NKAIN3: variants seen among roughly 807,000 people sequenced by gnomAD.
NKAIN3 encodes sodium/potassium transporting ATPase interacting 3, also known as sodium/potassium-transporting ATPase subunit beta-1-interacting protein 3.
In NKAIN3, 25 loss-of-function variants were observed where a neutral mutation model predicts 30.2. That is an observed-to-expected ratio of 0.83 (90% confidence interval 0.60 to 1.16). The LOEUF (loss-of-function observed/expected upper bound fraction) is 1.16. NKAIN3 is among the 50% of genes most tolerant of loss of function. The pLI is 0.00. For missense variants in NKAIN3, 225 were observed against 254.1 expected (o/e 0.89, Z 0.78); for synonymous variants, 91 against 89.6 (o/e 1.02, Z -0.09).
In NKAIN3 at chr8:62,351,173, C is replaced by G. The variant is rs960120264; in HGVS notation, c.54+102046C>G. ...TAGAATAGATAATATAGTCATCCCT[C>G]TGTTCCCTGGGGATTGATTCCAGGA... On this transcript the variant is annotated intron_variant, in intron 1 of 6. Transcript: ENST00000623646. Among the ~76,000 whole-genome samples, 6 of 149,586 alleles carry G rather than the reference C, an allele frequency of 4.0e-5. No individual in the cohort carries two copies. The East Asian group carries it at 1.2e-3, about 29-fold the overall frequency.
rs117861182 is a variant in NKAIN3, at chr8:62,714,687, A to G, written c.274-32245A>G. Among the ~76,000 whole-genome samples, 385 of 152,322 alleles carry G rather than the reference A, an allele frequency of 2.5e-3. 5 individuals carry two copies. In the East Asian group the frequency reaches 0.044, roughly 17 times the overall value. On this transcript the variant is annotated intron_variant, in intron 3 of 6. Transcript: ENST00000623646. ...GCACTGTTCTAAGTGTTTCATGTGT[A>G]TTATACTATTTGAGCCTCACTACAA... is the stretch of plus-strand genomic sequence containing the variant.
intron 1 of NKAIN3, among the ~76,000 whole-genome samples, chr8:62,474,588 A>T (rs1447231745): frequency 2.0e-5 from 3 of 152,216 alleles, no homozygotes; most frequent in Non-Finnish European, 4.4e-5. Flanking sequence ...CAATGACAGC[A>T]TGAAGATAGA....
chr8:62,787,221 T>C (rs1193633195), intron 4 of NKAIN3, among the ~76,000 whole-genome samples: 1 of 152,178 alleles, frequency 6.6e-6, no homozygotes, highest in Non-Finnish European at 1.5e-5. Context: ...CAGTTTTATA[T>C]GCTGTATGTG....
intron 3 of NKAIN3, among the ~76,000 whole-genome samples, chr8:62,733,127 C>T (rs569373079): frequency 1.3e-5 from 2 of 152,146 alleles, no homozygotes; most frequent in African/African-American, 4.8e-5. Context: ...TTTTACCACC[C>T]ACATTTACAT....
intron 3 of NKAIN3, among the ~76,000 whole-genome samples, chr8:62,593,230 A>G (rs1810712669): frequency 6.6e-6 from 1 of 151,988 alleles, no homozygotes; most frequent in African/African-American, 2.4e-5. Context: ...AATAATACAG[A>G]TAATATTCTC....
chr8:62,423,864 C>A (rs1804721688), intron 1 of NKAIN3, among the ~76,000 whole-genome samples: 1 of 151,950 alleles, frequency 6.6e-6, no homozygotes, highest in Admixed American at 6.6e-5. Flanking sequence ...TGAATGCCAA[C>A]ATTTTATCTT....
intron 1 of NKAIN3, among the ~76,000 whole-genome samples, chr8:62,262,829 T>G (rs1487574794): frequency 2.0e-5 from 3 of 152,190 alleles, no homozygotes; most frequent in Non-Finnish European, 4.4e-5. Flanking sequence ...ATTAATATGT[T>G]TGTTTGGCTC....
At chr8:62,431,850 A>C (rs867960825) in intron 1 of NKAIN3, among the ~76,000 whole-genome samples, 60 of 124,990 alleles carry the variant, frequency 4.8e-4, no homozygotes, top group Non-Finnish European at 1.2e-4. Flanking sequence ...AACTGAAGAG[A>C]AGCTTATAAA....
chr8:62,361,961 T>C (rs533057116), intron 1 of NKAIN3, among the ~76,000 whole-genome samples: 4 of 152,316 alleles, frequency 2.6e-5, no homozygotes, highest in African/African-American at 9.6e-5. Context: ...CCAGGAAACA[T>C]TTCTAGGCCC....
intron 1 of NKAIN3, among the ~76,000 whole-genome samples, chr8:62,520,322 T>C (rs1585900179): frequency 6.6e-6 from 1 of 152,296 alleles, no homozygotes; most frequent in African/African-American, 2.4e-5. Flanking sequence ...GATTAAAGGA[T>C]TCTTTTCAGG....
chr8:62,762,382 T>C (rs575165582), intron 4 of NKAIN3, among the ~76,000 whole-genome samples: 47 of 151,184 alleles, frequency 3.1e-4, no homozygotes, highest in Admixed American at 1.4e-3. Context: ...ATTTGAATAC[T>C]GGGGCTAAGA....
intron 3 of NKAIN3, among the ~76,000 whole-genome samples, chr8:62,654,306 A>G (rs1350948641): frequency 6.6e-6 from 1 of 152,086 alleles, no homozygotes; most frequent in Non-Finnish European, 1.5e-5. Context: ...GGAAAAGATA[A>G]AAAAGTTAAA....
chr8:62,846,552 C>T (rs1396184109), intron 4 of NKAIN3, among the ~76,000 whole-genome samples: 1 of 152,102 alleles, frequency 6.6e-6, no homozygotes, highest in East Asian at 1.9e-4. Context: ...CATCATTCAG[C>T]TCCCACTTAT....
At chr8:62,674,280 C>T (rs1043722692) in intron 3 of NKAIN3, among the ~76,000 whole-genome samples, 1 of 152,224 alleles carries the variant, frequency 6.6e-6, no homozygotes, top group African/African-American at 2.4e-5. Context: ...GAATTCCTGC[C>T]TGCTGCCTGT....
intron 4 of NKAIN3, among the ~76,000 whole-genome samples, chr8:62,872,254 C>G (rs1156568637): frequency 6.6e-6 from 1 of 152,204 alleles, no homozygotes; most frequent in Non-Finnish European, 1.5e-5. Flanking sequence ...GAAGGTATCC[C>G]TGTTGTTAAG....
chr8:62,523,538 A>G (rs1808216649), intron 1 of NKAIN3, among the ~76,000 whole-genome samples: 1 of 152,186 alleles, frequency 6.6e-6, no homozygotes, highest in Non-Finnish European at 1.5e-5. Flanking sequence ...AAACTTGTAA[A>G]AGTGAGTAAT....
chr8:62,701,418 A>G (rs1325952603), intron 3 of NKAIN3, among the ~76,000 whole-genome samples: 4 of 152,166 alleles, frequency 2.6e-5, no homozygotes, highest in East Asian at 1.9e-4. Flanking sequence ...AGTCATTACA[A>G]GTTTTATGGG....
intron 3 of NKAIN3, among the ~76,000 whole-genome samples, chr8:62,596,984 T>C (rs748743419): frequency 3.1e-4 from 47 of 152,096 alleles, no homozygotes; most frequent in Non-Finnish European, 4.7e-4. Flanking sequence ...GCAGTGAGTA[T>C]GCCGTTCACA....
rs199941440 is a variant in NKAIN3, at chr8:62,444,957, C to CT, written c.55-134573dup. 3.1e-3 allele frequency among the ~76,000 whole-genome samples: 462 copies of CT among 151,138 alleles called. 4 individuals carry two copies. Among genetic ancestry groups the CT allele is most frequent in the African/African-American group, 6.1e-3 (250 of 41,244 alleles). On this transcript the variant is annotated intron_variant, in intron 1 of 6. Coordinates refer to ENST00000623646, the MANE Select transcript of NKAIN3 (RefSeq NM_001304533.3). ...TTTGGATTTGCATTTTCCTTTTCTT[C>CT]TTTTTTTTTGACAGAGTCTCGCTCT...
Sources: gnomAD v4.1 joint callset for allele counts (sites outside exome capture counted in the v4.1 genomes callset) on GRCh38, gnomAD v4.1.1 for gene constraint, MANE v1.5 for transcripts, NCBI Gene and HGNC (gene_info 2026-07-23, HGNC 2026-07-21) for gene names.